SLC24A4: variants seen among roughly 807,000 people sequenced by gnomAD.
SLC24A4 encodes sodium/potassium/calcium exchanger 4.
SLC24A4 carries 53 observed loss-of-function variants against 79.0 expected under a neutral mutation model. The observed-to-expected ratio is 0.67, with a 90% CI of 0.54 to 0.84. The LOEUF (loss-of-function observed/expected upper bound fraction) is 0.84. Among genes scored for constraint, SLC24A4 ranks in the 40% least tolerant of loss-of-function variants. The probability of loss-of-function intolerance (pLI) is 0.00; values close to 1 mark genes in which losing one functional copy is unlikely to be tolerated. For synonymous variants in SLC24A4, 323 were observed against 323.8 expected, an observed-to-expected ratio of 1.00 and a Z score of 0.03; for missense variants, 731 against 822.0, an observed-to-expected ratio of 0.89 and a Z score of 1.35.
Position 92,497,509 on chromosome 14 carries a change from G to A in SLC24A4, c.*3881G>A, listed in dbSNP as rs926941467. 1 of 152,310 alleles carries A rather than the reference G, an allele frequency of 6.6e-6. No individual in the cohort carries two copies. The highest frequency in any genetic ancestry group is 1.5e-5 in the Non-Finnish European group (1 of 68,124). 9.4% of individuals were successfully genotyped at this position (152,310 alleles called of 1,614,324 possible). A position where few individuals can be genotyped will look rare whatever the true frequency, so the allele number is the denominator to read the frequency against. On this transcript the variant is annotated 3_prime_UTR_variant, in exon 17 of 17. Transcript: ENST00000532405. ...GCCCCTCTCCCTCCTTAAAGCTGGA[G>A]TGGACAGAGGGACAGGAGAGGATCA...
chr14:92,379,863 C>T (rs1888732202), intron 2 of SLC24A4, among the ~76,000 whole-genome samples: 1 of 152,162 alleles, frequency 6.6e-6, no homozygotes, highest in South Asian at 2.1e-4. Context: ...ACGCCTGGGG[C>T]TGAAGAGTCT....
At chr14:92,387,662 T>C (rs1396467619) in intron 2 of SLC24A4, among the ~76,000 whole-genome samples, 4 of 152,350 alleles carry the variant, frequency 2.6e-5, no homozygotes, top group African/African-American at 9.6e-5. Flanking sequence ...TCTCCAGAAC[T>C]TTCTCACCAT....
At chr14:92,432,925 T>A (rs924063202) in intron 2 of SLC24A4, among the ~76,000 whole-genome samples, 1 of 152,210 alleles carries the variant, frequency 6.6e-6, no homozygotes, top group Admixed American at 6.5e-5. Context: ...TCATTCCCTG[T>A]GTTTAAGGGG....
Position 92,499,606 on chromosome 14 carries a change from C to G in SLC24A4, c.*5978C>G, listed in dbSNP as rs993125084. On this transcript the variant is annotated 3_prime_UTR_variant, in exon 17 of 17. Coordinates refer to ENST00000532405, the MANE Select transcript of SLC24A4 (RefSeq NM_153646.4). ...GCTTGATCACAGCTCACGAAAGCCTCAAACTCCTAGGCTCAAGTGATCCTC... is the reference window on the plus strand; with the variant it reads ...GCTTGATCACAGCTCACGAAAGCCTGAAACTCCTAGGCTCAAGTGATCCTC... 1 of 151,626 alleles carries G rather than the reference C, an allele frequency of 6.6e-6. No individual in the cohort carries two copies. Among genetic ancestry groups the G allele is most frequent in the Non-Finnish European group, 1.5e-5 (1 of 67,970 alleles). 9.4% of individuals were successfully genotyped at this position (151,626 alleles called of 1,614,324 possible). A position where few individuals can be genotyped will look rare whatever the true frequency, so the allele number is the denominator to read the frequency against.
intron 2 of SLC24A4, among the ~76,000 whole-genome samples, chr14:92,430,316 G>A (rs1161321404): frequency 1.3e-5 from 2 of 152,196 alleles, no homozygotes; most frequent in African/African-American, 4.8e-5. Context: ...TCCATTTTGA[G>A]AAGCAGGAGC....
chr14:92,442,808 G>T lies in SLC24A4; in HGVS notation c.574G>T (p.Ala192Ser). 6.2e-7 allele frequency: 1 copy of T among 1,613,950 alleles called. No individual in the cohort carries two copies. The highest frequency in any genetic ancestry group is 8.5e-7 in the Non-Finnish European group (1 of 1,179,828). ...CATAATTGGAGTGTGCGGACTGTTT[G>T]CTGGCCAGGTCAGTGGTTTCTCCCT... ...LCIIGVCGLFAGQVVRLTWWA... is the reference protein window; with the variant it reads ...LCIIGVCGLFSGQVVRLTWWA... Residue 192 changes from alanine to serine, a missense_variant, in exon 6 of 17, where the codon GCT (alanine) becomes TCT (serine). Coordinates refer to ENST00000532405, the MANE Select transcript of SLC24A4 (RefSeq NM_153646.4).
At chr14:92,485,940 G>C (rs769815017) in intron 13 of SLC24A4, among the ~76,000 whole-genome samples, 1 of 152,122 alleles carries the variant, frequency 6.6e-6, no homozygotes, top group Non-Finnish European at 1.5e-5. Flanking sequence ...CATTCTGGGG[G>C]AGTAGAATGG....
chr14:92,405,457 G>C (rs1890323396), intron 2 of SLC24A4, among the ~76,000 whole-genome samples: 1 of 152,178 alleles, frequency 6.6e-6, no homozygotes, highest in Non-Finnish European at 1.5e-5. Flanking sequence ...GTTGATTATA[G>C]CATTAGAACT....
chr14:92,412,815 A>G (rs554379022), intron 2 of SLC24A4, among the ~76,000 whole-genome samples: 2 of 152,046 alleles, frequency 1.3e-5, no homozygotes, highest in African/African-American at 4.8e-5. Flanking sequence ...GGGCCAATCA[A>G]CTACAGCCTG....
At chr14:92,357,017 CTGTG>C (rs1887220915) in intron 2 of SLC24A4, among the ~76,000 whole-genome samples, 1 of 152,238 alleles carries the variant, frequency 6.6e-6, no homozygotes, top group African/African-American at 2.4e-5. Flanking sequence ...GTAGCTTCCT[CTGTG>C]TTTGACTCAA....
At chr14:92,438,988 T>C (rs1892338412) in intron 3 of SLC24A4, among the ~76,000 whole-genome samples, 2 of 152,146 alleles carry the variant, frequency 1.3e-5, no homozygotes, top group South Asian at 4.1e-4. Flanking sequence ...GTAGAAGATA[T>C]TCCTATTATG....
chr14:92,326,135 C>CAT (rs1885115264), intron 2 of SLC24A4, among the ~76,000 whole-genome samples, 157 bp downstream of exon 2: 1 of 152,212 alleles, frequency 6.6e-6, no homozygotes, highest in Non-Finnish European at 1.5e-5. Context: ...AACATAAAGA[C>CAT]ATTCGTCAAT....
chr14:92,400,206 C>T (rs533646649), intron 2 of SLC24A4, among the ~76,000 whole-genome samples: 80 of 152,158 alleles, frequency 5.3e-4, no homozygotes, highest in South Asian at 1.9e-3. Flanking sequence ...TTTGGGAGGC[C>T]AAGGCGGGCA....
chr14:92,407,374 C>G (rs575807033), intron 2 of SLC24A4, among the ~76,000 whole-genome samples: 2 of 152,310 alleles, frequency 1.3e-5, no homozygotes, highest in East Asian at 3.9e-4. Flanking sequence ...CAACGTCTGC[C>G]CATTACCCAA....
At chr14:92,492,306 C>T (rs531921281) in intron 16 of SLC24A4, 66 bp downstream of exon 16, 1 of 1,474,692 alleles carries the variant, frequency 6.8e-7, no homozygotes, top group East Asian at 2.3e-5. Flanking sequence ...TCCGCCTCGT[C>T]ACTTACGTGA....
chr14:92,499,783 G>T lies in SLC24A4; in HGVS notation c.*6155G>T, dbSNP rs561077403. 33 of 150,892 alleles carry T rather than the reference G, an allele frequency of 2.2e-4. 1 individual carries two copies. The highest frequency in any genetic ancestry group is 5.9e-4 in the African/African-American group (24 of 41,012). 9.3% of individuals were successfully genotyped at this position (150,892 alleles called of 1,614,324 possible). ...GATCCTCCTGCCTTGACCTCCCAAA[G>T]TGCTGGATTACAAGCGTGAGCCCCT... is the stretch of plus-strand genomic sequence containing the variant. On this transcript the variant is annotated 3_prime_UTR_variant, in exon 17 of 17. Coordinates refer to ENST00000532405, the MANE Select transcript of SLC24A4 (RefSeq NM_153646.4).
intron 10 of SLC24A4, 89 bp downstream of exon 10, chr14:92,449,305 CA>C: frequency 7.7e-7 from 1 of 1,302,328 alleles, no homozygotes; most frequent in Admixed American, 2.2e-5. Flanking sequence ...CACACACACA[CA>C]CACACACACA....
intron 2 of SLC24A4, among the ~76,000 whole-genome samples, chr14:92,407,895 G>A (rs374501948): frequency 0.035 from 3,719 of 106,592 alleles, 71 homozygotes; most frequent in Non-Finnish European, 0.051. Flanking sequence ...GTGTGTGTGT[G>A]TGTGTATTTA....
intron 2 of SLC24A4, among the ~76,000 whole-genome samples, chr14:92,335,119 T>C (rs759309044): frequency 1.3e-5 from 2 of 152,130 alleles, no homozygotes; most frequent in Non-Finnish European, 2.9e-5. Flanking sequence ...TTTTAATTAA[T>C]CGCTTTATTT....
Sources: allele counts gnomAD v4.1 joint callset (sites outside exome capture counted in the v4.1 genomes callset), GRCh38; gene constraint gnomAD v4.1.1; transcripts MANE v1.5; gene names NCBI Gene and HGNC (gene_info 2026-07-23, HGNC 2026-07-21).